LPP: variants seen among roughly 807,000 people sequenced by gnomAD.
LPP encodes lipoma-preferred partner.
A neutral mutation model predicts 60.4 loss-of-function variants in LPP; 38 were observed. The ratio of observed to expected loss-of-function variants is 0.63; its 90% CI spans 0.49 to 0.83. LPP has a LOEUF of 0.83. Ranked by LOEUF, LPP falls within the 40% of genes least tolerant of loss-of-function variation. LPP has a pLI of 0.00. For missense variants in LPP, 902 were observed against 783.6 expected (o/e 1.15, Z -1.80); for synonymous variants, 328 against 290.8 (o/e 1.13, Z -1.30).
chr3:188,486,428 A>T (rs911148330), intron 5 of LPP, among the ~76,000 whole-genome samples: 5 of 152,172 alleles, frequency 3.3e-5, no homozygotes, highest in African/African-American at 7.2e-5. Flanking sequence ...TACAAAGTAC[A>T]TTAGAGTGGA....
intron 6 of LPP, among the ~76,000 whole-genome samples, chr3:188,543,913 G>A (rs372852143): frequency 6.6e-6 from 1 of 152,218 alleles, no homozygotes. Context: ...ACTGTCCACA[G>A]GGATTTAGTG....
chr3:188,490,751 A>ATTTTTTTTTT (rs58700818), intron 5 of LPP, among the ~76,000 whole-genome samples: 951 of 91,648 alleles, frequency 0.01, 33 homozygotes, highest in African/African-American at 0.025. Flanking sequence ...TGGCACTGGA[A>ATTTTTTTTTT]TTTTTTTTTT....
intron 9 of LPP, among the ~76,000 whole-genome samples, chr3:188,832,696 G>C (rs961513794): frequency 1.3e-5 from 2 of 152,132 alleles, no homozygotes; most frequent in African/African-American, 2.4e-5. Flanking sequence ...TGGTTATCAG[G>C]GTTCTGCTTC....
chr3:188,460,604 G>A (rs73052724), intron 4 of LPP, among the ~76,000 whole-genome samples: 2,330 of 151,736 alleles, frequency 0.015, 58 homozygotes, highest in African/African-American at 0.053. Flanking sequence ...TTAAAACATG[G>A]TATAATTTTA....
chr3:188,627,416 A>G (rs578239914), intron 7 of LPP, among the ~76,000 whole-genome samples: 1 of 152,322 alleles, frequency 6.6e-6, no homozygotes, highest in East Asian at 1.9e-4. Context: ...ACATGCAGTG[A>G]CACCTTTAGG....
At chr3:188,507,873 C>T (rs1814042930) in intron 5 of LPP, among the ~76,000 whole-genome samples, 1 of 152,216 alleles carries the variant, frequency 6.6e-6, no homozygotes, top group Non-Finnish European at 1.5e-5. Context: ...GTTTCCCTGA[C>T]TGCTTTATAG....
intron 2 of LPP, among the ~76,000 whole-genome samples, chr3:188,328,790 A>G (rs1452345967): frequency 6.6e-6 from 1 of 152,222 alleles, no homozygotes; most frequent in African/African-American, 2.4e-5. Context: ...ACTCAAGAAT[A>G]TTAAAAATAT....
At chr3:188,658,665 A>AT (rs1452255674) in intron 7 of LPP, among the ~76,000 whole-genome samples, 1 of 152,228 alleles carries the variant, frequency 6.6e-6, no homozygotes, top group Non-Finnish European at 1.5e-5. Flanking sequence ...AGACACGGAT[A>AT]TGCCATCCAT....
intron 4 of LPP, among the ~76,000 whole-genome samples, chr3:188,418,386 G>A (rs1786903380): frequency 6.6e-6 from 1 of 152,052 alleles, no homozygotes; most frequent in Non-Finnish European, 1.5e-5. Flanking sequence ...AGTCCACTTT[G>A]CTTTACTGCT....
rs1305990351 is a variant in LPP at position 188,888,119 on chromosome 3, G to A, written c.*13640G>A. On this transcript the variant is annotated 3_prime_UTR_variant, in exon 12 of 12. Coordinates refer to ENST00000617246, the MANE Select transcript of LPP (RefSeq NM_001375462.1). ...AGCGTTGAGCTTTTGCATGTTTTCT[G>A]TATAATAAACCACTTTTGTTTTGTT... 2 of 220,208 alleles carry A rather than the reference G, an allele frequency of 9.1e-6. No homozygotes were observed. Among genetic ancestry groups the A allele is most frequent in the Non-Finnish European group, 9.1e-6 (1 of 109,866 alleles). 13.6% of individuals were successfully genotyped at this position (220,208 alleles called of 1,614,324 possible).
chr3:188,381,135 G>A (rs897418737), intron 3 of LPP, among the ~76,000 whole-genome samples: 14 of 152,210 alleles, frequency 9.2e-5, no homozygotes, highest in African/African-American at 2.4e-4. Flanking sequence ...AGTGAAACAT[G>A]TCTAAGATGG....
At chr3:188,284,914 G>C (rs993988844) in intron 2 of LPP, among the ~76,000 whole-genome samples, 1 of 152,102 alleles carries the variant, frequency 6.6e-6, no homozygotes, top group Non-Finnish European at 1.5e-5. Context: ...AGTATGACTC[G>C]AATCATTCCT....
At chr3:188,469,492 G>A (rs1214754895) in intron 4 of LPP, among the ~76,000 whole-genome samples, 3 of 152,070 alleles carry the variant, frequency 2.0e-5, no homozygotes, top group Non-Finnish European at 2.9e-5. Context: ...AGAAAAAAGT[G>A]ACCTAGTAAT....
chr3:188,257,234 A>G (rs1261184584), intron 2 of LPP, among the ~76,000 whole-genome samples: 1 of 152,214 alleles, frequency 6.6e-6, no homozygotes, highest in African/African-American at 2.4e-5. Flanking sequence ...TGATAAGCTC[A>G]TTAATTAGCT....
intron 6 of LPP, among the ~76,000 whole-genome samples, chr3:188,536,261 G>A (rs1306877018): frequency 6.6e-6 from 1 of 152,004 alleles, no homozygotes; most frequent in Middle Eastern, 3.2e-3. Flanking sequence ...TGCCCGCCTC[G>A]GCCTCCCAAA....
intron 6 of LPP, among the ~76,000 whole-genome samples, chr3:188,603,872 C>A (rs1841918906): frequency 6.6e-6 from 1 of 152,168 alleles, no homozygotes; most frequent in Admixed American, 6.5e-5. Context: ...ATGAAAATAT[C>A]ATTCTCTATG....
chr3:188,669,404 G>A (rs913615773), intron 7 of LPP, among the ~76,000 whole-genome samples: 2 of 152,052 alleles, frequency 1.3e-5, no homozygotes, highest in East Asian at 1.9e-4. Flanking sequence ...GTGAAACCCC[G>A]TCTCTACTAA....
chr3:188,356,388 T>C (rs79730384), intron 3 of LPP, among the ~76,000 whole-genome samples: 6,982 of 152,264 alleles, frequency 0.046, 266 homozygotes, highest in East Asian at 0.21. Context: ...ATTAGATCAG[T>C]GAATTTTTAA....
At chr3:188,785,711 T>A (rs1741636215) in intron 9 of LPP, among the ~76,000 whole-genome samples, 2 of 151,796 alleles carry the variant, frequency 1.3e-5, no homozygotes, top group South Asian at 4.1e-4. Flanking sequence ...TCTTTTCCTC[T>A]GGGTAGATAC....
Sources: allele counts gnomAD v4.1 joint callset (sites outside exome capture counted in the v4.1 genomes callset), GRCh38; gene constraint gnomAD v4.1.1; transcripts MANE v1.5; gene names NCBI Gene and HGNC (gene_info 2026-07-23, HGNC 2026-07-21).